Variants in LCORL observed in about 807,000 individuals in gnomAD.
The protein encoded by LCORL is ligand-dependent nuclear receptor corepressor-like protein.
Under a neutral mutation model 141.8 loss-of-function variants are expected in LCORL, and 41 were observed. That is an observed-to-expected ratio of 0.29 (90% CI 0.23 to 0.38). LCORL has a LOEUF of 0.38. LCORL is among the 10% of genes least tolerant of loss of function. The pLI is 1.00. For synonymous variants in LCORL, 618 were observed against 694.1 expected, an observed-to-expected ratio of 0.89 and a Z score of 1.72; for missense variants, 1,759 against 2,035.0, an observed-to-expected ratio of 0.86 and a Z score of 2.61.
At chr4:17,850,487 CAAA>C (rs1160313982) in intron 7 of LCORL, among the ~76,000 whole-genome samples, 2 of 152,160 alleles carry the variant, frequency 1.3e-5, no homozygotes, top group African/African-American at 4.8e-5. Flanking sequence ...AGACACTTCT[CAAA>C]AGAAGAGATT....
chr4:17,995,312 T>C (rs1421091405), intron 1 of LCORL, among the ~76,000 whole-genome samples: 1 of 152,036 alleles, frequency 6.6e-6, no homozygotes, highest in Non-Finnish European at 1.5e-5. Context: ...AATAAAGGTG[T>C]TGCTATTACA....
At chr4:17,993,784 A>C (rs1720448912) in intron 1 of LCORL, among the ~76,000 whole-genome samples, 1 of 152,218 alleles carries the variant, frequency 6.6e-6, no homozygotes, top group Non-Finnish European at 1.5e-5. Flanking sequence ...GAATGAAGAC[A>C]GGATGGTTAG....
chr4:17,873,298 A>T, intron 7 of LCORL, 90 bp downstream of exon 7: 2 of 856,112 alleles, frequency 2.3e-6, no homozygotes, highest in Non-Finnish European at 3.1e-6. Flanking sequence ...GAAACTAATT[A>T]AAACTGCATC....
chr4:18,013,817 A>AT (rs35615219), intron 1 of LCORL, among the ~76,000 whole-genome samples: 64,833 of 147,714 alleles, frequency 0.44, 16,353 homozygotes, highest in Non-Finnish European at 0.58. Flanking sequence ...TTGCAGTTGA[A>AT]TTTTTTTTTT....
chr4:18,001,666 T>C (rs987638519), intron 1 of LCORL, among the ~76,000 whole-genome samples: 3 of 152,206 alleles, frequency 2.0e-5, no homozygotes, highest in Admixed American at 6.5e-5. Flanking sequence ...GAAATCAGTA[T>C]GCAACTATTT....
At chr4:17,881,229 C>T (rs1222929671) in intron 6 of LCORL, 1 of 982,484 alleles carries the variant, frequency 1.0e-6, no homozygotes, top group Non-Finnish European at 1.2e-6. Context: ...TTGCTTTCAC[C>T]TTCATTAAGT....
At chr4:17,864,404 C>CA (rs1560265312) in intron 7 of LCORL, among the ~76,000 whole-genome samples, 2 of 152,048 alleles carry the variant, frequency 1.3e-5, no homozygotes, top group African/African-American at 4.8e-5. Flanking sequence ...TTTGTAGAGA[C>CA]AGAGTTTCAC....
intron 1 of LCORL, among the ~76,000 whole-genome samples, chr4:18,008,778 A>G (rs1315945595): frequency 1.3e-5 from 2 of 152,200 alleles, no homozygotes; most frequent in Non-Finnish European, 2.9e-5. Flanking sequence ...GTAAGACAAC[A>G]TGTATATTAC....
intron 4 of LCORL, among the ~76,000 whole-genome samples, chr4:17,930,592 T>A (rs1735863217): frequency 6.6e-6 from 1 of 152,228 alleles, no homozygotes; most frequent in Non-Finnish European, 1.5e-5. Flanking sequence ...AACAAGTGAA[T>A]AATATCAAAG....
At chr4:17,937,861 A>T (rs1051552588) in intron 4 of LCORL, among the ~76,000 whole-genome samples, 1 of 152,210 alleles carries the variant, frequency 6.6e-6, no homozygotes, top group Non-Finnish European at 1.5e-5. Context: ...GCATGGAAGC[A>T]GCCAGGGGAG....
At chr4:17,994,500 AATC>A (rs1720578072) in intron 1 of LCORL, among the ~76,000 whole-genome samples, 1 of 152,196 alleles carries the variant, frequency 6.6e-6, no homozygotes, top group Non-Finnish European at 1.5e-5. Context: ...GTAGTTTAAG[AATC>A]ACTGCCTCAA....
intron 7 of LCORL, among the ~76,000 whole-genome samples, chr4:17,855,876 G>T (rs536007191): frequency 2.0e-5 from 3 of 152,304 alleles, no homozygotes; most frequent in African/African-American, 4.8e-5. Context: ...GGGGTAGTTT[G>T]TAATATAGCA....
At chr4:17,944,951 TAGCAGACAGTAAACTGC>T (rs1306440218) in intron 4 of LCORL, among the ~76,000 whole-genome samples, 1 of 152,120 alleles carries the variant, frequency 6.6e-6, no homozygotes, top group East Asian at 1.9e-4. Context: ...AACTAGCCAA[TAGCAGACAGTAAACTGC>T]AGCAGACAGT....
chr4:17,958,115 G>A (rs984888211), intron 4 of LCORL, among the ~76,000 whole-genome samples: 4 of 151,688 alleles, frequency 2.6e-5, no homozygotes. Flanking sequence ...TTCCCAAAAG[G>A]CACGGGAAAA....
intron 4 of LCORL, among the ~76,000 whole-genome samples, chr4:17,938,622 A>G (rs1048511016): frequency 6.6e-6 from 1 of 150,786 alleles, no homozygotes; most frequent in Non-Finnish European, 1.5e-5. Context: ...CTCCATGTTG[A>G]GGCTGGCCTT....
intron 5 of LCORL, among the ~76,000 whole-genome samples, chr4:17,905,051 A>T (rs1332788826): frequency 6.6e-6 from 1 of 152,054 alleles, no homozygotes; most frequent in Non-Finnish European, 1.5e-5. Context: ...TAGTTTATCC[A>T]TTTCATTCTT....
In LCORL at chr4:17,945,803, G is replaced by A. The variant is rs142753482; in HGVS notation, c.430+16100C>T. Among the ~76,000 whole-genome samples, 368 of 151,230 alleles carry A rather than the reference G, an allele frequency of 2.4e-3. 1 individual carries two copies. Among genetic ancestry groups the A allele is most frequent in the African/African-American group, 8.0e-3 (328 of 41,250 alleles). ...TTTTCTGTATTTATGCTTTGACAAC[G>A]TATATGTTAAAAAAAAAAACTAGGC... On this transcript the variant is annotated intron_variant, in intron 4 of 7. Coordinates refer to ENST00000635767, the Ensembl canonical transcript of LCORL.
At position 17,884,941 on chromosome 4, in the gene LCORL, T is replaced by C. The variant is rs1425784304; in HGVS notation, c.776+1127A>G. On this transcript the variant is annotated intron_variant, in intron 6 of 7. Transcript: ENST00000635767. This position sits in a 1 kb window ranked among gnomAD's most constrained non-coding sequence, Gnocchi z 4.4. The stretch of plus-strand genomic sequence containing the variant: ...AAACGCTACAGTCCTGGTAGGACAA[T>C]GTGACAATGATACGGTGGCCTCAAC... Among the ~76,000 whole-genome samples, 1 of 151,952 alleles carries C rather than the reference T, an allele frequency of 6.6e-6. No individual in the cohort carries two copies. The highest frequency in any genetic ancestry group is 1.5e-5 in the Non-Finnish European group (1 of 67,938).
Position 17,909,076 on chromosome 4 carries a change from GCA to G in LCORL, c.682+16_682+17del, listed in dbSNP as rs1170919968. On this transcript the variant is annotated intron_variant, in intron 5 of 7. Transcript: ENST00000635767. ...TAAAACATCAAATTATATATTAAAT[GCA>G]CACAAAAAATCTTACCTTGCTGAGT... 6.4e-7 allele frequency: 1 copy of G among 1,564,754 alleles called. No homozygotes were observed. Among genetic ancestry groups the G allele is most frequent in the Admixed American group, 2.0e-5 (1 of 49,690 alleles).
Sources: allele counts gnomAD v4.1 joint callset (sites outside exome capture counted in the v4.1 genomes callset), GRCh38; gene constraint gnomAD v4.1.1; non-coding constraint Gnocchi (gnomAD v3.1); transcripts MANE v1.5; gene names NCBI Gene and HGNC (gene_info 2026-07-23, HGNC 2026-07-21).